SCGB2B2: variants seen among roughly 807,000 people sequenced by gnomAD.
SCGB2B2 encodes secretoglobin-like protein.
In SCGB2B2, 11 loss-of-function variants were observed where a neutral mutation model predicts 7.6. That is an observed-to-expected ratio of 1.45 (90% confidence interval 0.91 to 2.40). SCGB2B2 has a LOEUF of 2.40. SCGB2B2 is among the 30% of genes most tolerant of loss of function. The pLI, the probability that SCGB2B2 is intolerant of heterozygous loss-of-function variation, is 0.00. For missense variants in SCGB2B2, 104 were observed against 115.4 expected (o/e 0.90, Z 0.45); for synonymous variants, 50 against 48.6 (o/e 1.03, Z -0.12).
At chr19:34,611,750 A>C (rs1305488092) in intron 1 of SCGB2B2, among the ~76,000 whole-genome samples, 6 of 151,780 alleles carry the variant, frequency 4.0e-5, no homozygotes, top group Admixed American at 3.9e-4. Context: ...CCTGGGTTCA[A>C]AGGATTCTCC....
intron 1 of SCGB2B2, among the ~76,000 whole-genome samples, chr19:34,622,985 T>C (rs939815295): frequency 6.6e-6 from 1 of 151,992 alleles, no homozygotes; most frequent in African/African-American, 2.4e-5. Flanking sequence ...CTATAGTCCT[T>C]TGTGGCTTCT....
intron 1 of SCGB2B2, among the ~76,000 whole-genome samples, chr19:34,650,576 C>T (rs1238685049): frequency 6.6e-6 from 1 of 151,316 alleles, no homozygotes; most frequent in Admixed American, 6.6e-5. Flanking sequence ...AACTCCTGAA[C>T]AGACCAATTA....
chr19:34,602,831 C>A (rs2065668965), intron 1 of SCGB2B2, among the ~76,000 whole-genome samples: 2 of 152,118 alleles, frequency 1.3e-5, no homozygotes, highest in African/African-American at 4.8e-5. Flanking sequence ...TTGCTCACCC[C>A]ACAGCCAAGA....
chr19:34,611,359 T>C (rs1189806670), intron 1 of SCGB2B2, among the ~76,000 whole-genome samples: 1 of 152,144 alleles, frequency 6.6e-6, no homozygotes, highest in African/African-American at 2.4e-5. Flanking sequence ...CCTACTAATT[T>C]TGGGTTTGAT....
At chr19:34,600,026 C>A (rs117475534) in intron 1 of SCGB2B2, among the ~76,000 whole-genome samples, 2,211 of 150,908 alleles carry the variant, frequency 0.015, 28 homozygotes, top group Non-Finnish European at 0.02. Flanking sequence ...AGACCACTGT[C>A]CTGATTTTAT....
Position 34,594,236 on chromosome 19 carries a change from T to C in SCGB2B2, c.185A>G (p.Asn62Ser), listed in dbSNP as rs371583669. 3.3e-5 allele frequency: 53 copies of C among 1,614,008 alleles called. No individual in the cohort carries two copies. In the African/African-American group the frequency reaches 6.8e-4, roughly 21 times the overall value. Residue 62 changes from asparagine (N) to serine (S), a missense_variant, in exon 3 of 4, where the codon AAT (asparagine) becomes AGT (serine). Coordinates refer to ENST00000601241, the MANE Select transcript of SCGB2B2 (RefSeq NM_001025591.4). Reference sequence around the variant, plus strand: ...GACATTGGCAAAGCATTGCTGGACATTGAGGAAGGACTCCTCTGTCAGGGG... The same window carrying C: ...GACATTGGCAAAGCATTGCTGGACACTGAGGAAGGACTCCTCTGTCAGGGG... The part of the protein sequence containing the change: ...PSPLTEESFL[N>S]VQQCFANVSV...
chr19:34,619,954 G>C lies in SCGB2B2; in HGVS notation c.-2031-23360C>G, dbSNP rs187094049. ...TTACTTGGATGAATAACCTTTTCAA[G>C]TGCACAACTGGAATTAACTTTTAGA... On this transcript the variant is annotated intron_variant, in intron 1 of 3. Transcript: ENST00000601241. Among the ~76,000 whole-genome samples the C allele has an allele frequency of 1.1e-3, 174 of 152,236 alleles. 1 individual carries two copies. Among genetic ancestry groups the C allele is most frequent in the Non-Finnish European group, 1.7e-3 (116 of 68,008 alleles).
chr19:34,606,019 T>G (rs2065766187), intron 1 of SCGB2B2, among the ~76,000 whole-genome samples: 1 of 152,056 alleles, frequency 6.6e-6, no homozygotes, highest in South Asian at 2.1e-4. Flanking sequence ...TGTCAATATA[T>G]TTAATGTATT....
chr19:34,604,320 T>C (rs1195624602), intron 1 of SCGB2B2, among the ~76,000 whole-genome samples: 1 of 152,194 alleles, frequency 6.6e-6, no homozygotes, highest in African/African-American at 2.4e-5. Context: ...CCTTCCCACA[T>C]CCCTGTGGTC....
chr19:34,597,317 C>T (rs959461501), intron 1 of SCGB2B2, among the ~76,000 whole-genome samples: 4 of 152,174 alleles, frequency 2.6e-5, no homozygotes, highest in Non-Finnish European at 5.9e-5. Flanking sequence ...ACCTGCATGA[C>T]ATGACCAGAT....
At chr19:34,644,484 T>G (rs1295859600) in intron 1 of SCGB2B2, among the ~76,000 whole-genome samples, 1 of 152,042 alleles carries the variant, frequency 6.6e-6, no homozygotes, top group Non-Finnish European at 1.5e-5. Flanking sequence ...CCACTATCGA[T>G]GTCCAAAACT....
chr19:34,649,985 T>A (rs2067122339), intron 1 of SCGB2B2, among the ~76,000 whole-genome samples: 1 of 151,172 alleles, frequency 6.6e-6, no homozygotes, highest in African/African-American at 2.5e-5. Flanking sequence ...CATTTCCTCT[T>A]CCTCCACTCC....
intron 1 of SCGB2B2, among the ~76,000 whole-genome samples, chr19:34,630,720 T>C (rs1203956161): frequency 6.6e-6 from 1 of 152,124 alleles, no homozygotes; most frequent in Non-Finnish European, 1.5e-5. Flanking sequence ...TCCTCAGGGA[T>C]CTAGAACTAG....
Position 34,593,326 on chromosome 19 carries a change from G to A in SCGB2B2, c.*229C>T, listed in dbSNP as rs990562648. The A allele has an allele frequency of 4.3e-5, 21 of 491,058 alleles. No homozygotes were observed. Among genetic ancestry groups the A allele is most frequent in the African/African-American group, 4.1e-4 (21 of 51,590 alleles). 30.4% of individuals were successfully genotyped at this position (491,058 alleles called of 1,614,324 possible). A position where few individuals can be genotyped will look rare whatever the true frequency, so the allele number is the denominator to read the frequency against. ...TCCCCGCCAAAAAGAAAACAGGCAT[G>A]TCTATGCTACACCTGTAGAGTTTTT... On this transcript the variant is annotated 3_prime_UTR_variant, in exon 4 of 4. Coordinates refer to ENST00000601241, the MANE Select transcript of SCGB2B2 (RefSeq NM_001025591.4).
intron 1 of SCGB2B2, among the ~76,000 whole-genome samples, chr19:34,662,936 AAAC>A (rs574703127): frequency 7.5e-5 from 11 of 146,868 alleles, no homozygotes; most frequent in African/African-American, 2.8e-4. Context: ...GTCTCCAAAA[AAAC>A]AAACAAACAA....
At chr19:34,620,971 G>T (rs2066226481) in intron 1 of SCGB2B2, among the ~76,000 whole-genome samples, 1 of 151,884 alleles carries the variant, frequency 6.6e-6, no homozygotes, top group African/African-American at 2.4e-5. Flanking sequence ...TGTATACTGG[G>T]AAAACTTTCA....
At chr19:34,672,509 T>C (rs1287148101) in intron 1 of SCGB2B2, among the ~76,000 whole-genome samples, 1 of 152,258 alleles carries the variant, frequency 6.6e-6, no homozygotes, top group African/African-American at 2.4e-5. Context: ...TGCTGTCGTG[T>C]AATAAGATAG....
intron 1 of SCGB2B2, among the ~76,000 whole-genome samples, chr19:34,642,250 A>G (rs763670051): frequency 7.2e-5 from 11 of 152,194 alleles, no homozygotes; most frequent in Admixed American, 1.3e-4. Flanking sequence ...TGTCCTCAGT[A>G]TCACTGGGGA....
Position 34,629,344 on chromosome 19 carries a change from A to T in SCGB2B2, c.-2031-32750T>A, listed in dbSNP as rs1347391631. On this transcript the variant is annotated intron_variant, in intron 1 of 3. Coordinates refer to ENST00000601241, the MANE Select transcript of SCGB2B2 (RefSeq NM_001025591.4). ...GAAGTCAAATTGCCCCTGTTTGCAG[A>T]TGACATGATTGTACATTTAGAAAAC... Among the ~76,000 whole-genome samples the T allele has an allele frequency of 3.3e-5, 5 of 152,142 alleles. 1 individual carries two copies. The highest frequency in any genetic ancestry group is 7.4e-5 in the Non-Finnish European group (5 of 67,956).
Sources: allele counts gnomAD v4.1 joint callset (sites outside exome capture counted in the v4.1 genomes callset), GRCh38; gene constraint gnomAD v4.1.1; transcripts MANE v1.5; gene names NCBI Gene and HGNC (gene_info 2026-07-23, HGNC 2026-07-21).